Variants in UNC13C observed in about 807,000 individuals in gnomAD.
The protein encoded by UNC13C is unc-13 homolog C.
Under a neutral mutation model 245.4 loss-of-function variants are expected in UNC13C, and 174 were observed. That is an observed-to-expected ratio of 0.71 (90% confidence interval 0.63 to 0.80). The LOEUF is 0.80. UNC13C is among the 30% of genes least tolerant of loss of function. UNC13C has a pLI of 0.00. For synonymous variants in UNC13C, 992 were observed against 895.1 expected, an observed-to-expected ratio of 1.11 and a Z score of -1.93; for missense variants, 2,829 against 2,602.9, an observed-to-expected ratio of 1.09 and a Z score of -1.89.
At chr15:54,199,849 T>C (rs947523276) in intron 4 of UNC13C, among the ~76,000 whole-genome samples, 1 of 152,116 alleles carries the variant, frequency 6.6e-6, no homozygotes, top group Non-Finnish European at 1.5e-5. Flanking sequence ...ATCTCAATAG[T>C]AACATTGAAT....
intron 21 of UNC13C, 112 bp downstream of exon 21, chr15:54,500,287 G>C: frequency 1.2e-6 from 1 of 802,366 alleles, no homozygotes; most frequent in African/African-American, 1.8e-5. Context: ...CCATTCCCCA[G>C]TGACCAAAAT....
intron 17 of UNC13C, among the ~76,000 whole-genome samples, chr15:54,343,429 G>A (rs113474335): frequency 0.085 from 12,844 of 151,862 alleles, 701 homozygotes; most frequent in African/African-American, 0.14. Context: ...CACCGCGCCT[G>A]GCCCCATGCA....
At chr15:54,352,309 A>C (rs920467103) in intron 17 of UNC13C, among the ~76,000 whole-genome samples, 1 of 140,190 alleles carries the variant, frequency 7.1e-6, no homozygotes, top group African/African-American at 2.6e-5. Context: ...TATAATTAAT[A>C]TATATTTTAT....
chr15:54,301,274 T>G (rs890246579), intron 13 of UNC13C, among the ~76,000 whole-genome samples: 1 of 140,022 alleles, frequency 7.1e-6, no homozygotes, highest in East Asian at 2.0e-4. Flanking sequence ...CCAAAATCAG[T>G]GTTCATTTTC....
chr15:54,296,971 A>G (rs1482443330), intron 11 of UNC13C, among the ~76,000 whole-genome samples: 2 of 152,198 alleles, frequency 1.3e-5, no homozygotes, highest in African/African-American at 4.8e-5. Flanking sequence ...TGTTGTTTCC[A>G]TTCAAATAAA....
chr15:54,433,256 C>T (rs951930029), intron 19 of UNC13C, among the ~76,000 whole-genome samples: 1 of 151,960 alleles, frequency 6.6e-6, no homozygotes, highest in African/African-American at 2.4e-5. Flanking sequence ...ATCCTGATAC[C>T]AAAACCTGCC....
chr15:54,203,896 ATG>A (rs1021100397), intron 4 of UNC13C, among the ~76,000 whole-genome samples: 19 of 108,972 alleles, frequency 1.7e-4, no homozygotes, highest in African/African-American at 5.3e-4. Flanking sequence ...GTATATGTAT[ATG>A]TGTGTGTATA....
intron 15 of UNC13C, among the ~76,000 whole-genome samples, chr15:54,332,698 T>C (rs1252671759): frequency 1.3e-5 from 2 of 151,668 alleles, no homozygotes; most frequent in Non-Finnish European, 3.0e-5. Flanking sequence ...AGTTACAAAA[T>C]ATCTTAGTTA....
chr15:54,290,413 G>GA (rs751231637), intron 10 of UNC13C, among the ~76,000 whole-genome samples: 1 of 151,762 alleles, frequency 6.6e-6, no homozygotes, highest in Non-Finnish European at 1.5e-5. Context: ...TTAAAAAAAT[G>GA]AAAAAAACAG....
intron 30 of UNC13C, among the ~76,000 whole-genome samples, chr15:54,595,336 C>A (rs1179299252): frequency 2.6e-5 from 4 of 152,096 alleles, no homozygotes; most frequent in Non-Finnish European, 1.5e-5. Flanking sequence ...ACAGGGAAGA[C>A]CAACTCAACT....
intron 8 of UNC13C, among the ~76,000 whole-genome samples, chr15:54,255,016 G>A (rs923783036): frequency 1.3e-5 from 2 of 152,118 alleles, no homozygotes; most frequent in Non-Finnish European, 2.9e-5. Context: ...GCGTGTGATG[G>A]GGTGTAGCTC....
intron 19 of UNC13C, among the ~76,000 whole-genome samples, chr15:54,449,062 G>T (rs1891002656): frequency 6.6e-6 from 1 of 152,108 alleles, no homozygotes; most frequent in African/African-American, 2.4e-5. Context: ...ATGAAATTCT[G>T]GGTTGAAAAT....
At chr15:54,337,907 C>T (rs2038630660) in intron 16 of UNC13C, among the ~76,000 whole-genome samples, 1 of 152,152 alleles carries the variant, frequency 6.6e-6, no homozygotes, top group African/African-American at 2.4e-5. Context: ...AATTCTATTC[C>T]ATTGAAACGC....
intron 13 of UNC13C, among the ~76,000 whole-genome samples, chr15:54,306,220 C>T (rs894190425): frequency 6.6e-6 from 1 of 151,918 alleles, no homozygotes; most frequent in African/African-American, 2.4e-5. Flanking sequence ...ATTTATTAGC[C>T]CTACCTGTTA....
At chr15:54,520,815 T>C (rs1895184917) in intron 24 of UNC13C, among the ~76,000 whole-genome samples, 1 of 152,190 alleles carries the variant, frequency 6.6e-6, no homozygotes, top group Non-Finnish European at 1.5e-5. Flanking sequence ...GCAAGCCACA[T>C]TGCAGAGAAC....
chr15:54,108,226 G>T (rs754191670), intron 2 of UNC13C, among the ~76,000 whole-genome samples: 1 of 151,764 alleles, frequency 6.6e-6, no homozygotes, highest in African/African-American at 2.4e-5. Context: ...TCGCTCTGTC[G>T]CCCAGGCTGG....
At chr15:54,152,341 T>C (rs1174803265) in intron 4 of UNC13C, among the ~76,000 whole-genome samples, 2 of 152,190 alleles carry the variant, frequency 1.3e-5, no homozygotes, top group Admixed American at 1.3e-4. Flanking sequence ...GACAGTATAT[T>C]TGTTGATGAG....
intron 11 of UNC13C, among the ~76,000 whole-genome samples, chr15:54,297,430 A>G (rs1012947091): frequency 1.3e-5 from 2 of 152,008 alleles, no homozygotes; most frequent in African/African-American, 2.4e-5. Flanking sequence ...ATAGCTTAGT[A>G]TAACCTCAAA....
the UNC13C span, among the ~76,000 whole-genome samples, chr15:53,849,802 A>G: frequency 6.6e-6 from 1 of 152,154 alleles, no homozygotes; most frequent in African/African-American, 2.4e-5. Context: ...CTCCTAAGAC[A>G]TTGGCAACTA....
Sources: allele counts gnomAD v4.1 joint callset (sites outside exome capture counted in the v4.1 genomes callset), GRCh38; gene constraint gnomAD v4.1.1; transcripts MANE v1.5; gene names NCBI Gene and HGNC (gene_info 2026-07-23, HGNC 2026-07-21).